ANK1: variants seen among roughly 807,000 people sequenced by gnomAD.
ANK1 encodes ankyrin-1.
Under a neutral mutation model 210.4 loss-of-function variants are expected in ANK1, and 51 were observed. The observed-to-expected ratio is 0.24, with a 90% CI of 0.19 to 0.31. ANK1 has a LOEUF of 0.31. Among genes scored for constraint, ANK1 ranks in the 10% least tolerant of loss-of-function variants. The pLI is 1.00. For synonymous variants in ANK1, 967 were observed against 1,025.9 expected (o/e 0.94, Z 1.10); for missense variants, 2,051 against 2,504.4 (o/e 0.82, Z 3.86).
At chr8:41,665,147 T>C (rs1810050172) in intron 39 of ANK1, 1 of 1,537,478 alleles carries the variant, frequency 6.5e-7, no homozygotes, top group Non-Finnish European at 8.7e-7. Context: ...CCCCTCCCTA[T>C]CTCTCTGGTT....
In ANK1 at chr8:41,653,732, C is replaced by G. The variant is rs1585710589; in HGVS notation, c.*2058G>C. 6.6e-6 allele frequency: 1 copy of G among 152,248 alleles called. No individual in the cohort carries two copies. Among genetic ancestry groups the G allele is most frequent in the East Asian group, 1.9e-4 (1 of 5,180 alleles). 9.4% of individuals were successfully genotyped at this position (152,248 alleles called of 1,614,324 possible). A position where few individuals can be genotyped will look rare whatever the true frequency, so the allele number is the denominator to read the frequency against. Reference sequence around the variant, plus strand: ...CGGGATGGGGGAGGATGGAGGGGGGCGCCTCTGCGCCCTGGAGGCCGGGCC... The same window carrying G: ...CGGGATGGGGGAGGATGGAGGGGGGGGCCTCTGCGCCCTGGAGGCCGGGCC... On this transcript the variant is annotated 3_prime_UTR_variant, in exon 43 of 43. Coordinates refer to ENST00000289734, the MANE Select transcript of ANK1 (RefSeq NM_000037.4).
intron 1 of ANK1, among the ~76,000 whole-genome samples, chr8:41,860,538 T>C (rs1393494876): frequency 1.3e-5 from 2 of 152,166 alleles, no homozygotes; most frequent in Non-Finnish European, 2.9e-5. Context: ...CCAGCTCCAG[T>C]TGTGTGACCT....
At chr8:41,871,048 T>C (rs1016589028) in intron 1 of ANK1, among the ~76,000 whole-genome samples, 1 of 152,184 alleles carries the variant, frequency 6.6e-6, no homozygotes, top group African/African-American at 2.4e-5. Context: ...CCGGGTCCCA[T>C]GGAGCATGTC....
intron 1 of ANK1, among the ~76,000 whole-genome samples, chr8:41,842,663 T>G (rs922907694): frequency 9.2e-5 from 14 of 152,180 alleles, no homozygotes; most frequent in South Asian, 2.1e-4. Flanking sequence ...GAAGCGCATA[T>G]TAGTGCAGAT....
chr8:41,773,598 G>C (rs189378743), intron 1 of ANK1, among the ~76,000 whole-genome samples: 15 of 152,252 alleles, frequency 9.9e-5, no homozygotes, highest in African/African-American at 3.6e-4. Flanking sequence ...TTGCACACCG[G>C]GTCTCTTTTT....
At chr8:41,817,496 C>T (rs1210685435) in intron 1 of ANK1, among the ~76,000 whole-genome samples, 1 of 152,184 alleles carries the variant, frequency 6.6e-6, no homozygotes, top group African/African-American at 2.4e-5. Flanking sequence ...TTTAATTCCC[C>T]TAAGAACTGG....
rs1168790968 is a variant in ANK1 at position 41,725,780 on chromosome 8, T to C, written c.593A>G (p.Asn198Ser). The C allele has an allele frequency of 1.2e-6, 2 of 1,610,898 alleles. No individual in the cohort carries two copies. The highest frequency in any genetic ancestry group is 2.2e-5 in the East Asian group (1 of 44,850). Residue 198 changes from asparagine to serine, a missense_variant, in exon 6 of 43, where the codon AAC becomes AGC. Asn to Ser is a conservative substitution (Grantham distance 46, BLOSUM62 1). Coordinates refer to ENST00000289734, the MANE Select transcript of ANK1 (RefSeq NM_000037.4). Reference sequence around the variant, plus strand: ...CCTCACCTTGGAAAGCACGTCCGGGTTGGGGTCGTTCTGCAGCAGCACCGC... The same window carrying C: ...CCTCACCTTGGAAAGCACGTCCGGGCTGGGGTCGTTCTGCAGCAGCACCGC... ...TAAVLLQNDP[N>S]PDVLSKTGFT...
chr8:41,749,157 C>T (rs1837009283), intron 2 of ANK1, among the ~76,000 whole-genome samples: 1 of 152,162 alleles, frequency 6.6e-6, no homozygotes, highest in Admixed American at 6.5e-5. Context: ...CTTTTACCTG[C>T]CTCTGAGTTC....
intron 1 of ANK1, among the ~76,000 whole-genome samples, chr8:41,770,379 A>G (rs1425271123): frequency 6.6e-6 from 1 of 152,234 alleles, no homozygotes; most frequent in African/African-American, 2.4e-5. Flanking sequence ...TTCTATCTAT[A>G]CAGAATATCT....
intron 8 of ANK1, 59 bp from the exon 9 acceptor site, chr8:41,723,282 G>T (rs1028377645): frequency 1.9e-6 from 3 of 1,551,856 alleles, no homozygotes; most frequent in Non-Finnish European, 2.7e-6. Flanking sequence ...AGGCCATTTG[G>T]AGAGAAGACT....
At chr8:41,818,762 G>A (rs1803725435) in intron 1 of ANK1, among the ~76,000 whole-genome samples, 2 of 152,188 alleles carry the variant, frequency 1.3e-5, no homozygotes, top group South Asian at 4.2e-4. Context: ...AGTGAGAGAG[G>A]AGAATGGAAA....
chr8:41,775,758 G>C, intron 1 of ANK1, among the ~76,000 whole-genome samples: 1 of 152,196 alleles, frequency 6.6e-6, no homozygotes, highest in East Asian at 1.9e-4. Context: ...ATGGTGGTGC[G>C]CACCTGTAGT....
At chr8:41,760,333 A>G (rs1840110792) in intron 1 of ANK1, among the ~76,000 whole-genome samples, 1 of 152,008 alleles carries the variant, frequency 6.6e-6, no homozygotes, top group African/African-American at 2.4e-5. Flanking sequence ...AAGTCTCATG[A>G]GATCTGATAG....
At chr8:41,759,448 G>C (rs1839936672) in intron 1 of ANK1, among the ~76,000 whole-genome samples, 1 of 152,168 alleles carries the variant, frequency 6.6e-6, no homozygotes, top group Non-Finnish European at 1.5e-5. Context: ...GGAGGTTGCA[G>C]TGAGCCGAGA....
intron 1 of ANK1, among the ~76,000 whole-genome samples, chr8:41,823,253 G>A (rs1422878032): frequency 6.6e-6 from 1 of 152,160 alleles, no homozygotes; most frequent in African/African-American, 2.4e-5. Flanking sequence ...TCTAGGGGGA[G>A]AGAAGTGGTT....
In ANK1 at chr8:41,698,113, G is replaced by A; in HGVS notation, c.2567C>T (p.Ser856Phe). The stretch of plus-strand genomic sequence containing the variant: ...ACAGGGAATCCTGGGGATGGCTGGA[G>A]ATTCCACCCTGCGTGCCAAGAACAC... ...FVPKLDQVVE[S>F]PAIPRIPCAM... Residue 856 changes from serine (S) to phenylalanine (F), a missense_variant, in exon 24 of 43, where the codon TCT (serine) becomes TTT (phenylalanine). Ser to Phe is a radical substitution (Grantham distance 155). Transcript: ENST00000289734. 6.2e-7 allele frequency: 1 copy of A among 1,614,096 alleles called. No individual in the cohort carries two copies. The highest frequency in any genetic ancestry group is 8.5e-7 in the Non-Finnish European group (1 of 1,180,030).
intron 17 of ANK1, among the ~76,000 whole-genome samples, chr8:41,707,691 G>A (rs1824977259): frequency 2.0e-5 from 3 of 152,152 alleles, no homozygotes; most frequent in African/African-American, 7.2e-5. Context: ...CACATTAAGT[G>A]GGGCAGTGAA....
intron 23 of ANK1, 76 bp downstream of exon 23, chr8:41,699,376 C>T: frequency 2.2e-6 from 3 of 1,375,154 alleles, no homozygotes; most frequent in Non-Finnish European, 3.1e-6. Context: ...TGTCCTTCCT[C>T]CCTCTGGAAT....
At chr8:41,730,429 C>A (rs1831858927) in intron 3 of ANK1, among the ~76,000 whole-genome samples, 1 of 151,886 alleles carries the variant, frequency 6.6e-6, no homozygotes, top group Non-Finnish European at 1.5e-5. Context: ...ACAGTGAGAC[C>A]CAGTCTGTCT....
Sources: allele counts gnomAD v4.1 joint callset (sites outside exome capture counted in the v4.1 genomes callset), GRCh38; gene constraint gnomAD v4.1.1; transcripts MANE v1.5; gene names NCBI Gene and HGNC (gene_info 2026-07-23, HGNC 2026-07-21).